Variants in WDR70 observed in about 807,000 individuals in gnomAD.
The protein encoded by WDR70 is WD repeat domain 70.
A neutral mutation model predicts 88.6 loss-of-function variants in WDR70; 53 were observed. The ratio of observed to expected loss-of-function variants is 0.60; its 90% CI spans 0.48 to 0.75. The LOEUF is 0.75. Ranked by LOEUF, WDR70 falls within the 30% of genes least tolerant of loss-of-function variation. The pLI is 0.00. For synonymous variants in WDR70, 280 were observed against 270.0 expected, an observed-to-expected ratio of 1.04 and a Z score of -0.36; for missense variants, 610 against 823.2, an observed-to-expected ratio of 0.74 and a Z score of 3.17.
chr5:37,630,852 A>C (rs557439439), intron 10 of WDR70, among the ~76,000 whole-genome samples: 200 of 152,268 alleles, frequency 1.3e-3, no homozygotes, highest in African/African-American at 4.4e-3. Context: ...AGCTTGTCTC[A>C]CAGGGGAGAG....
chr5:37,503,830 A>G (rs1357977640), intron 8 of WDR70, among the ~76,000 whole-genome samples: 1 of 152,000 alleles, frequency 6.6e-6, no homozygotes, highest in African/African-American at 2.4e-5. Flanking sequence ...CAGGATTTCC[A>G]TTCCTGATGC....
intron 5 of WDR70, among the ~76,000 whole-genome samples, chr5:37,415,546 G>A (rs1452781755): frequency 9.2e-6 from 1 of 109,032 alleles, no homozygotes; most frequent in African/African-American, 3.0e-5. Context: ...CGGGTGGGGC[G>A]GCTGGCCGGG....
intron 5 of WDR70, among the ~76,000 whole-genome samples, chr5:37,420,435 G>T (rs370640679): frequency 6.6e-6 from 1 of 151,774 alleles, no homozygotes; most frequent in African/African-American, 2.4e-5. Context: ...AAAAAGATTT[G>T]TTTTTTTCTT....
chr5:37,399,092 C>A (rs547565202), intron 5 of WDR70, among the ~76,000 whole-genome samples: 11 of 152,322 alleles, frequency 7.2e-5, no homozygotes, highest in South Asian at 2.1e-4. Context: ...TCCTGGCTAA[C>A]ACGGTGAAAA....
intron 8 of WDR70, among the ~76,000 whole-genome samples, chr5:37,505,048 C>A (rs1740519623): frequency 6.6e-6 from 1 of 152,108 alleles, no homozygotes; most frequent in Non-Finnish European, 1.5e-5. Context: ...TTTAGATCAG[C>A]CAAATGCCTT....
At chr5:37,692,709 C>T (rs1012060731) in intron 10 of WDR70, among the ~76,000 whole-genome samples, 3 of 152,156 alleles carry the variant, frequency 2.0e-5, no homozygotes, top group African/African-American at 7.2e-5. Flanking sequence ...ATTGATGGAA[C>T]ATGTCTCAAA....
At chr5:37,569,696 G>T (rs1170708481) in intron 9 of WDR70, among the ~76,000 whole-genome samples, 1 of 152,172 alleles carries the variant, frequency 6.6e-6, no homozygotes, top group African/African-American at 2.4e-5. Flanking sequence ...TAGGGCTTTT[G>T]TGAGCTTACA....
intron 9 of WDR70, among the ~76,000 whole-genome samples, chr5:37,578,768 G>T (rs1743129636): frequency 6.6e-6 from 1 of 152,138 alleles, no homozygotes; most frequent in South Asian, 2.1e-4. Flanking sequence ...AAAATATAAT[G>T]TGATATGACA....
intron 9 of WDR70, among the ~76,000 whole-genome samples, chr5:37,563,061 C>T (rs1391037718): frequency 1.2e-5 from 1 of 82,810 alleles, no homozygotes; most frequent in Admixed American, 1.3e-4. Context: ...GACGGGGCGG[C>T]TGGCCGGGCG....
intron 9 of WDR70, among the ~76,000 whole-genome samples, chr5:37,593,404 A>C (rs1298859182): frequency 1.3e-5 from 2 of 151,372 alleles, no homozygotes; most frequent in African/African-American, 4.9e-5. Flanking sequence ...GCGGTGTTTG[A>C]TTCTCTGTCC....
At chr5:37,512,361 A>G (rs1341786751) in intron 8 of WDR70, among the ~76,000 whole-genome samples, 1 of 152,074 alleles carries the variant, frequency 6.6e-6, no homozygotes, top group African/African-American at 2.4e-5. Flanking sequence ...AACTGGGACT[A>G]CAGGCACCTG....
intron 5 of WDR70, among the ~76,000 whole-genome samples, chr5:37,412,391 GCAAAA>G (rs572560564): frequency 2.6e-5 from 4 of 151,766 alleles, no homozygotes; most frequent in African/African-American, 9.7e-5. Context: ...CCATCTCAAA[GCAAAA>G]CAAAACAAAA....
chr5:37,410,892 C>T (rs1206108713), intron 5 of WDR70, among the ~76,000 whole-genome samples: 1 of 152,148 alleles, frequency 6.6e-6, no homozygotes, highest in Non-Finnish European at 1.5e-5. Flanking sequence ...ATGCCTTGCC[C>T]TAACCTTACA....
chr5:37,626,777 C>T (rs563187818), intron 10 of WDR70, among the ~76,000 whole-genome samples: 2 of 152,230 alleles, frequency 1.3e-5, no homozygotes, highest in East Asian at 3.9e-4. Context: ...AGACCTTTTA[C>T]TACTGATTCT....
At position 37,752,562 on chromosome 5, in the gene WDR70, C is replaced by T. The variant is rs778712197; in HGVS notation, c.1954C>T (p.Arg652Cys). The T allele has an allele frequency of 2.5e-5, 41 of 1,610,672 alleles. No homozygotes were observed. The highest frequency in any genetic ancestry group is 1.6e-4 in the Middle Eastern group (1 of 6,072). Residue 652 changes from arginine (R) to cysteine (C), a missense_variant, in exon 18 of 18, where the codon CGT becomes TGT. By Grantham distance (180) the Arg-to-Cys change is radical. Around this residue, in one of 4 missense-constraint regions of WDR70, gnomAD observed 70 missense variants for 139.2 expected, o/e 0.50. Coordinates refer to ENST00000265107, the MANE Select transcript of WDR70 (RefSeq NM_018034.4). ...EAKNEPEWKK[R>C]KI is the part of the protein sequence containing the mutation. Reference sequence around the variant, plus strand: ...AAAGAATGAGCCAGAATGGAAAAAACGTAAAATTTGAAGAATCTCATTTGA... The same window carrying T: ...AAAGAATGAGCCAGAATGGAAAAAATGTAAAATTTGAAGAATCTCATTTGA...
intron 10 of WDR70, among the ~76,000 whole-genome samples, chr5:37,681,223 T>C (rs1034625334): frequency 6.6e-6 from 1 of 151,440 alleles, no homozygotes; most frequent in Non-Finnish European, 1.5e-5. Context: ...GGATTGCATC[T>C]TGGCTTGGCT....
chr5:37,642,111 A>G (rs1400676334), intron 10 of WDR70, among the ~76,000 whole-genome samples: 1 of 152,160 alleles, frequency 6.6e-6, no homozygotes, highest in Non-Finnish European at 1.5e-5. Flanking sequence ...CACTTACGCA[A>G]GTTTAACAAG....
intron 10 of WDR70, among the ~76,000 whole-genome samples, chr5:37,617,567 CT>C (rs1414296151): frequency 6.6e-6 from 1 of 152,194 alleles, no homozygotes; most frequent in Non-Finnish European, 1.5e-5. Context: ...AGTAGGTAAT[CT>C]ATGCCTTGCC....
chr5:37,714,572 T>C (rs1349394018), intron 13 of WDR70, among the ~76,000 whole-genome samples: 6 of 152,182 alleles, frequency 3.9e-5, no homozygotes, highest in Admixed American at 1.3e-4. Flanking sequence ...GCTCCATATC[T>C]TGATACACCT....
Sources: allele counts gnomAD v4.1 joint callset (sites outside exome capture counted in the v4.1 genomes callset), GRCh38; gene constraint gnomAD v4.1.1; regional missense constraint gnomAD v4.1.1; transcripts MANE v1.5; gene names NCBI Gene and HGNC (gene_info 2026-07-23, HGNC 2026-07-21).